The following ACOT7 variants were observed in gnomAD, a reference collection of about 807,000 sequenced individuals.
ACOT7 encodes the protein cytosolic acyl coenzyme A thioester hydrolase.
Under a neutral mutation model 40.2 loss-of-function variants are expected in ACOT7, and 12 were observed. The ratio of observed to expected loss-of-function variants is 0.30; its 90% CI spans 0.19 to 0.48. The LOEUF (loss-of-function observed/expected upper bound fraction) is 0.48. Ranked by LOEUF, ACOT7 falls within the 20% of genes least tolerant of loss-of-function variation. The pLI is 0.99. For missense variants in ACOT7, 395 were observed against 530.8 expected (o/e 0.74, Z 2.51); for synonymous variants, 228 against 219.5 (o/e 1.04, Z -0.34).
chr1:6,319,930 C>G (rs1489280725), intron 5 of ACOT7, among the ~76,000 whole-genome samples: 1 of 152,214 alleles, frequency 6.6e-6, no homozygotes, highest in African/African-American at 2.4e-5. Flanking sequence ...GTCTGAAACG[C>G]CTCCCACTTG....
In ACOT7 at chr1:6,299,689, T is replaced by C. The variant is rs1408522592; in HGVS notation, c.713-4709A>G. Among the ~76,000 whole-genome samples the C allele has an allele frequency of 6.6e-6, 1 of 152,058 alleles. No individual in the cohort carries two copies. The highest frequency in any genetic ancestry group is 1.5e-5 in the Non-Finnish European group (1 of 67,996). On this transcript the variant is annotated intron_variant, in intron 6 of 8. Transcript: ENST00000361521. This position sits in a 1 kb window ranked among gnomAD's most constrained non-coding sequence, Gnocchi z 4.1. ...AAGTGTGTGTGTGTGTGTGTGTGTG[T>C]GTAGGGCACGTGTGTGCGTGTGTTT...
At position 6,352,445 on chromosome 1, in the gene ACOT7, T is replaced by G. The variant is rs953216010; in HGVS notation, c.144-2579A>C. On this transcript the variant is annotated intron_variant, in intron 1 of 8. Transcript: ENST00000361521. This position sits in a 1 kb window ranked among gnomAD's most constrained non-coding sequence, Gnocchi z 4.5. Reference sequence around the variant, plus strand: ...GGACCCATAAACAGCTCTGTCACTCTCTCAGGCCCCGCCCCATGGCCTGGC... The same window carrying G: ...GGACCCATAAACAGCTCTGTCACTCGCTCAGGCCCCGCCCCATGGCCTGGC... Among the ~76,000 whole-genome samples, 12 of 152,028 alleles carry G rather than the reference T, an allele frequency of 7.9e-5. No individual in the cohort carries two copies. The highest frequency in any genetic ancestry group is 2.9e-4 in the African/African-American group (12 of 41,398).
intron 6 of ACOT7, 136 bp downstream of exon 6, chr1:6,318,355 CT>C: frequency 5.3e-6 from 5 of 943,234 alleles, no homozygotes; most frequent in Non-Finnish European, 8.1e-6. Context: ...TGCACCTGGC[CT>C]ATTGTACAAC....
At chr1:6,335,767 A>T (rs1641084704) in intron 3 of ACOT7, among the ~76,000 whole-genome samples, 1 of 152,230 alleles carries the variant, frequency 6.6e-6, no homozygotes. Context: ...CCCCGCACAG[A>T]ACACACCTTG....
At chr1:6,313,808 G>T (rs572963616) in intron 6 of ACOT7, among the ~76,000 whole-genome samples, 1 of 145,356 alleles carries the variant, frequency 6.9e-6, no homozygotes, top group Admixed American at 6.6e-5. Flanking sequence ...TGCATTGTTA[G>T]TTCAAAAAAA....
At position 6,358,759 on chromosome 1, in the gene ACOT7, A is replaced by G. The variant is rs1261257709; in HGVS notation, c.144-8893T>C. On this transcript the variant is annotated intron_variant, in intron 1 of 8. Transcript: ENST00000361521. The surrounding 1 kb of genome is among the most constrained non-coding windows in gnomAD (Gnocchi z 4.1). ...CCCCTCTACCCACCCTTCCCTTCCA[A>G]ATGTCCCTAAACAATCCACCCACAG... 2 of 1,527,836 alleles carry G rather than the reference A, an allele frequency of 1.3e-6. No individual in the cohort carries two copies. Among genetic ancestry groups the G allele is most frequent in the Non-Finnish European group, 1.8e-6 (2 of 1,103,834 alleles). 94.6% of individuals were successfully genotyped at this position (1,527,836 alleles called of 1,614,324 possible).
intron 1 of ACOT7, among the ~76,000 whole-genome samples, chr1:6,364,817 C>T (rs537717473): frequency 5.6e-5 from 8 of 143,594 alleles, no homozygotes; most frequent in African/African-American, 1.0e-4. Context: ...CACTGCACTC[C>T]GGCCTGGGGA....
At position 6,349,741 on chromosome 1, in the gene ACOT7, A is replaced by T; in HGVS notation, c.261+8T>A. On this transcript the variant is annotated splice_region_variant and intron_variant, in intron 2 of 8. Coordinates refer to ENST00000361521, the MANE Select transcript of ACOT7 (RefSeq NM_007274.4). ...CAGGGCCCAGAGGTATGGGGCCCAG[A>T]CCCTTACCCCGTTCTGGCTGTTGCA... is the stretch of plus-strand genomic sequence containing the variant. 6.2e-7 allele frequency: 1 copy of T among 1,611,112 alleles called. No individual in the cohort carries two copies. The highest frequency in any genetic ancestry group is 8.5e-7 in the Non-Finnish European group (1 of 1,178,668).
chr1:6,386,495 T>A (rs1642442726), intron 1 of ACOT7, among the ~76,000 whole-genome samples: 1 of 152,052 alleles, frequency 6.6e-6, no homozygotes, highest in African/African-American at 2.4e-5. Context: ...CTGCAGCAAA[T>A]CCCGGATTTC....
chr1:6,320,090 T>A (rs1246491652), intron 5 of ACOT7, among the ~76,000 whole-genome samples: 1 of 152,202 alleles, frequency 6.6e-6, no homozygotes, highest in African/African-American at 2.4e-5. Flanking sequence ...TCTGCTGCCT[T>A]CATGGGAACT....
intron 1 of ACOT7, among the ~76,000 whole-genome samples, chr1:6,381,944 C>T (rs1378182776): frequency 6.8e-6 from 1 of 146,490 alleles, no homozygotes; most frequent in Non-Finnish European, 1.5e-5. Context: ...ACCATCCTGG[C>T]TAACACGGTG....
rs919050001 is a variant in ACOT7 at position 6,274,131 on chromosome 1, G to C, written c.1014+6971C>G. Among the ~76,000 whole-genome samples the C allele has an allele frequency of 1.3e-5, 2 of 152,192 alleles. No individual in the cohort carries two copies. Among genetic ancestry groups the C allele is most frequent in the African/African-American group, 4.8e-5 (2 of 41,458 alleles). On this transcript the variant is annotated intron_variant, in intron 8 of 8. Coordinates refer to ENST00000361521, the MANE Select transcript of ACOT7 (RefSeq NM_007274.4). The surrounding 1 kb of genome is among the most constrained non-coding windows in gnomAD (Gnocchi z 5.9). ...GGGTCAGGCAGGTCCTGGGGGTGGG[G>C]AGCAGCAGGCACCATCATGGAAAGC...
At chr1:6,268,611 C>T (rs1199425349) in intron 8 of ACOT7, among the ~76,000 whole-genome samples, 1 of 152,216 alleles carries the variant, frequency 6.6e-6, no homozygotes, top group East Asian at 1.9e-4. Context: ...TAAGAGCTAA[C>T]TCAGGACCAT....
In ACOT7 at chr1:6,347,804, G is replaced by A. The variant is rs116918249; in HGVS notation, c.261+1945C>T. ...ACAAGACAAGAACAGCTGCCTCTCC[G>A]GGGTGTTGTGAGGATTCCATGAGCT... On this transcript the variant is annotated intron_variant, in intron 2 of 8. Coordinates refer to ENST00000361521, the MANE Select transcript of ACOT7 (RefSeq NM_007274.4). 1.2e-4 allele frequency among the ~76,000 whole-genome samples: 18 copies of A among 151,622 alleles called. No individual in the cohort carries two copies. In the East Asian group the frequency reaches 3.1e-3, roughly 26 times the overall value.
intron 7 of ACOT7, among the ~76,000 whole-genome samples, chr1:6,284,342 C>T (rs999921682): frequency 2.0e-5 from 3 of 152,014 alleles, no homozygotes; most frequent in Non-Finnish European, 2.9e-5. Flanking sequence ...TCTGGGAGGC[C>T]GAGGCGGGCT....
intron 1 of ACOT7, among the ~76,000 whole-genome samples, chr1:6,374,154 G>A (rs74998321): frequency 0.01 from 1,540 of 152,324 alleles, 27 homozygotes; most frequent in African/African-American, 0.035. Flanking sequence ...CAGGTGCGAT[G>A]AAGTCACCTG....
At position 6,281,286 on chromosome 1, in the gene ACOT7, C is replaced by G. The variant is rs1639352793; in HGVS notation, c.830G>C (p.Gly277Ala). ...GCGTCCCGAGATGGTGATGACGCAGCCTGTGGAGAAGGGAGGGCGGGGGTC... is the reference window on the plus strand; with the variant it reads ...GCGTCCCGAGATGGTGATGACGCAGGCTGTGGAGAAGGGAGGGCGGGGGTC... The part of the protein sequence containing the change: ...AINFHDKIRK[G>A]CVITISGRMT... Residue 277 changes from glycine to alanine, a missense_variant and splice_region_variant, in exon 8 of 9, where the codon GGC (glycine) becomes GCC (alanine). Around this residue, in one of 2 missense-constraint regions of ACOT7, gnomAD observed 309 missense variants for 470.3 expected, o/e 0.66. Coordinates refer to ENST00000361521, the MANE Select transcript of ACOT7 (RefSeq NM_007274.4). The G allele has an allele frequency of 3.7e-6, 6 of 1,612,982 alleles. No individual in the cohort carries two copies. Among genetic ancestry groups the G allele is most frequent in the Non-Finnish European group, 5.1e-6 (6 of 1,179,816 alleles).
At chr1:6,354,820 A>G (rs1359562532) in intron 1 of ACOT7, among the ~76,000 whole-genome samples, 2 of 95,984 alleles carry the variant, frequency 2.1e-5, no homozygotes, top group Non-Finnish European at 4.0e-5. Context: ...CATGGCCTCT[A>G]CACTGGCCTC....
chr1:6,360,495 A>G, intron 1 of ACOT7: 1 of 1,572,506 alleles, frequency 6.4e-7, no homozygotes. Flanking sequence ...CCTGGCACAC[A>G]GGACAGGTCC....
Sources: gnomAD v4.1 joint callset for allele counts (sites outside exome capture counted in the v4.1 genomes callset) on GRCh38, gnomAD v4.1.1 for gene constraint, gnomAD v4.1.1 regional missense constraint, Gnocchi (gnomAD v3.1) non-coding constraint, MANE v1.5 for transcripts, NCBI Gene and HGNC (gene_info 2026-07-23, HGNC 2026-07-21) for gene names.